The following GRM8 variants were observed in gnomAD, a reference collection of about 807,000 sequenced individuals.
GRM8 encodes metabotropic glutamate receptor 8.
Under a neutral mutation model 87.2 loss-of-function variants are expected in GRM8, and 47 were observed. The observed-to-expected ratio is 0.54, with a 90% confidence interval of 0.43 to 0.69. GRM8 has a LOEUF of 0.69. Among genes scored for constraint, GRM8 ranks in the 30% least tolerant of loss-of-function variants. GRM8 has a pLI of 0.00. For missense variants in GRM8, 1,019 were observed against 1,139.2 expected, an observed-to-expected ratio of 0.89 and a Z score of 1.52; for synonymous variants, 396 against 404.5, an observed-to-expected ratio of 0.98 and a Z score of 0.25.
intron 2 of GRM8, among the ~76,000 whole-genome samples, chr7:127,231,707 T>C (rs1164588982): frequency 6.6e-6 from 1 of 152,132 alleles, no homozygotes; most frequent in Non-Finnish European, 1.5e-5. Flanking sequence ...CAGGCCTGTG[T>C]TTCTGTCCTT....
At chr7:127,152,578 C>G (rs1792463227) in intron 2 of GRM8, among the ~76,000 whole-genome samples, 1 of 152,134 alleles carries the variant, frequency 6.6e-6, no homozygotes, top group African/African-American at 2.4e-5. Context: ...AGCAGACTAG[C>G]TAATCTCATT....
intron 3 of GRM8, among the ~76,000 whole-genome samples, chr7:127,028,809 GT>G (rs550685881): frequency 0.011 from 1,674 of 151,606 alleles, 25 homozygotes; most frequent in African/African-American, 0.037. Context: ...TTTTTGAAGG[GT>G]TTTTTTTGTG....
At chr7:126,922,539 CG>C (rs1049121837) in intron 3 of GRM8, among the ~76,000 whole-genome samples, 3 of 152,010 alleles carry the variant, frequency 2.0e-5, no homozygotes, top group Non-Finnish European at 2.9e-5. Context: ...TTCAAAAGCA[CG>C]GGGAGGGCAG....
intron 7 of GRM8, among the ~76,000 whole-genome samples, chr7:126,678,418 TA>T (rs1373867255): frequency 5.3e-5 from 8 of 152,148 alleles, no homozygotes; most frequent in African/African-American, 1.9e-4. Flanking sequence ...CTTTCATCCA[TA>T]AAAAAGCCAC....
chr7:126,749,576 ATATT>A (rs1177301740), intron 7 of GRM8, among the ~76,000 whole-genome samples: 1 of 150,230 alleles, frequency 6.7e-6, no homozygotes, highest in Non-Finnish European at 1.5e-5. Flanking sequence ...ATATAATCAT[ATATT>A]TAATTAATAA....
intron 3 of GRM8, among the ~76,000 whole-genome samples, chr7:126,954,409 T>C (rs1318874877): frequency 1.3e-5 from 2 of 152,096 alleles, no homozygotes; most frequent in Non-Finnish European, 2.9e-5. Flanking sequence ...AATAATCCAA[T>C]GTGTTCCTAG....
intron 7 of GRM8, among the ~76,000 whole-genome samples, chr7:126,703,204 C>T (rs1810126946): frequency 6.6e-6 from 1 of 152,056 alleles, no homozygotes; most frequent in Non-Finnish European, 1.5e-5. Context: ...TAGTATAGGA[C>T]TATGTCAGTA....
chr7:127,049,954 G>C (rs1429456248), intron 3 of GRM8, among the ~76,000 whole-genome samples: 1 of 152,180 alleles, frequency 6.6e-6, no homozygotes, highest in Non-Finnish European at 1.5e-5. Context: ...GCAGCACAAG[G>C]TGGGTGCCAC....
intron 9 of GRM8, chr7:126,511,985 C>G (rs1038170534): frequency 3.3e-5 from 5 of 151,962 alleles, no homozygotes; most frequent in Non-Finnish European, 7.4e-5. Context: ...GAGAATTAGC[C>G]GGTGTAGGAA....
At chr7:126,629,039 A>G (rs891822919) in intron 7 of GRM8, among the ~76,000 whole-genome samples, 15 of 152,200 alleles carry the variant, frequency 9.9e-5, no homozygotes, top group Non-Finnish European at 2.9e-5. Flanking sequence ...AAACTATGGA[A>G]AAGAAAGGTA....
intron 9 of GRM8, among the ~76,000 whole-genome samples, chr7:126,496,642 C>T (rs952341421): frequency 1.3e-5 from 2 of 151,988 alleles, no homozygotes; most frequent in Non-Finnish European, 2.9e-5. Context: ...CAACCTCTCC[C>T]TTTGAAGGTA....
chr7:126,895,660 G>GA (rs55642765), intron 6 of GRM8, among the ~76,000 whole-genome samples: 134,319 of 151,822 alleles, frequency 0.88, 59,821 homozygotes, highest in East Asian at 1. Context: ...TAGAGTTATA[G>GA]AACTTCTAGT....
At chr7:126,779,802 C>G (rs1300523894) in intron 6 of GRM8, among the ~76,000 whole-genome samples, 1 of 151,974 alleles carries the variant, frequency 6.6e-6, no homozygotes, top group Non-Finnish European at 1.5e-5. Context: ...TCTACACATC[C>G]TAGCAAGCCC....
At chr7:126,456,627 C>G (rs1803277096) in intron 9 of GRM8, among the ~76,000 whole-genome samples, 1 of 145,680 alleles carries the variant, frequency 6.9e-6, no homozygotes, top group South Asian at 2.2e-4. Flanking sequence ...AAATATCAGA[C>G]ATTTAGCCAA....
chr7:127,031,459 C>G (rs931214290), intron 3 of GRM8, among the ~76,000 whole-genome samples: 6 of 152,008 alleles, frequency 3.9e-5, no homozygotes, highest in African/African-American at 1.2e-4. Context: ...TGGATTGGCC[C>G]TTTTTGAACA....
rs190117446 is a variant in GRM8, at chr7:127,121,119, A to T, written c.511-14407T>A. ...TTCCATAGCATTTATATGCAGCAGG[A>T]TAATTTAGTAAGATATTCATTTCTG... On this transcript the variant is annotated intron_variant, in intron 2 of 10. Transcript: ENST00000339582. Among the ~76,000 whole-genome samples, 23 of 152,346 alleles carry T rather than the reference A, an allele frequency of 1.5e-4. No individual in the cohort carries two copies. The East Asian group carries it at 4.2e-3, about 28-fold the overall frequency.
Position 127,252,798 on chromosome 7 carries a change from C to T in GRM8, c.-313G>A. On this transcript the variant is annotated splice_region_variant and 5_prime_UTR_variant, in exon 1 of 11. Coordinates refer to ENST00000339582, the MANE Select transcript of GRM8 (RefSeq NM_000845.3). This position sits in a 1 kb window ranked among gnomAD's most constrained non-coding sequence, Gnocchi z 4.9. ...CTGCTGCCGGGCGGCGAGTCTTACCCTGCTCCCCGCAGAGGGCGCGGTGAG... is the reference window on the plus strand; with the variant it reads ...CTGCTGCCGGGCGGCGAGTCTTACCTTGCTCCCCGCAGAGGGCGCGGTGAG... The T allele has an allele frequency of 5.3e-6, 1 of 188,572 alleles. No homozygotes were observed. The highest frequency in any genetic ancestry group is 9.8e-5 in the South Asian group (1 of 10,192). 11.7% of individuals were successfully genotyped at this position (188,572 alleles called of 1,614,324 possible). A position where few individuals can be genotyped will look rare whatever the true frequency, so the allele number is the denominator to read the frequency against.
At chr7:126,495,931 G>C (rs766239) in intron 9 of GRM8, among the ~76,000 whole-genome samples, 49,997 of 151,818 alleles carry the variant, frequency 0.33, 8,551 homozygotes, top group East Asian at 0.42. Flanking sequence ...CACAGTAACT[G>C]TTGGTAGATT....
chr7:126,824,714 G>A (rs1017601219), intron 6 of GRM8, among the ~76,000 whole-genome samples: 1 of 152,196 alleles, frequency 6.6e-6, no homozygotes, highest in Non-Finnish European at 1.5e-5. Context: ...GATACCAATG[G>A]AAGTATCTTT....
Sources: gnomAD v4.1 joint callset for allele counts (sites outside exome capture counted in the v4.1 genomes callset) on GRCh38, gnomAD v4.1.1 for gene constraint, Gnocchi (gnomAD v3.1) non-coding constraint, MANE v1.5 for transcripts, NCBI Gene and HGNC (gene_info 2026-07-23, HGNC 2026-07-21) for gene names.